Variants in RC3H1 observed in about 807,000 individuals in gnomAD.
The protein encoded by RC3H1 is ring finger and CCCH-type domains 1.
In RC3H1, 50 loss-of-function variants were observed where a neutral mutation model predicts 138.2. The ratio of observed to expected loss-of-function variants is 0.36; its 90% CI spans 0.29 to 0.46. The LOEUF is 0.46. RC3H1 is among the 20% of genes least tolerant of loss of function. The pLI is 1.00. For missense variants in RC3H1, 1,031 were observed against 1,388.1 expected, an observed-to-expected ratio of 0.74 and a Z score of 4.09; for synonymous variants, 462 against 489.1, an observed-to-expected ratio of 0.94 and a Z score of 0.73.
chr1:173,966,724 A>C (rs4651296), intron 9 of RC3H1, among the ~76,000 whole-genome samples: 1,995 of 151,854 alleles, frequency 0.013, 38 homozygotes, highest in African/African-American at 0.045. Flanking sequence ...CAAAAAACAA[A>C]AAAAAAAAGT....
intron 6 of RC3H1, among the ~76,000 whole-genome samples, chr1:173,979,809 G>A (rs1660730466): frequency 6.6e-6 from 1 of 152,160 alleles, no homozygotes; most frequent in African/African-American, 2.4e-5. Flanking sequence ...AAGAGTTGCA[G>A]GTAAAGTCTG....
At chr1:173,988,626 C>T (rs1661134255) in intron 2 of RC3H1, among the ~76,000 whole-genome samples, 1 of 152,150 alleles carries the variant, frequency 6.6e-6, no homozygotes, top group Non-Finnish European at 1.5e-5. Context: ...AAGAAACTGC[C>T]AAACTGTCTT....
chr1:174,000,229 C>A (rs145199036), intron 1 of RC3H1, among the ~76,000 whole-genome samples: 4 of 152,118 alleles, frequency 2.6e-5, no homozygotes, highest in South Asian at 2.1e-4. Flanking sequence ...AGAAACTATT[C>A]GAATCTGTTC....
Position 173,964,191 on chromosome 1 carries a change from AG to A in RC3H1, c.1617-5del. 6.3e-7 allele frequency: 1 copy of A among 1,598,578 alleles called. No homozygotes were observed. On this transcript the variant is annotated splice_region_variant and splice_polypyrimidine_tract_variant and intron_variant, in intron 10 of 19. Coordinates refer to ENST00000367696, the MANE Select transcript of RC3H1 (RefSeq NM_172071.4). ...ACTCTTAGGAACAGATTCTAGCCTA[AG>A]GGAATAATATTATGGAAGTTGTTTA... is the stretch of plus-strand genomic sequence containing the variant.
chr1:173,970,389 A>G (rs1660305170), intron 9 of RC3H1, 116 bp downstream of exon 9: 2 of 748,812 alleles, frequency 2.7e-6, no homozygotes, highest in East Asian at 2.6e-5. Context: ...GCTGTGTTAC[A>G]TTCTAAAAAT....
intron 1 of RC3H1, among the ~76,000 whole-genome samples, chr1:174,008,976 G>GAAAAA (rs59047478): frequency 2.4e-5 from 2 of 84,206 alleles, no homozygotes; most frequent in Non-Finnish European, 5.2e-5. Flanking sequence ...GACTTTGTCT[G>GAAAAA]AAAAAAAAAA....
chr1:173,988,516 C>G (rs959627505), intron 2 of RC3H1, among the ~76,000 whole-genome samples: 6 of 152,226 alleles, frequency 3.9e-5, no homozygotes, highest in Admixed American at 6.5e-5. Context: ...CATTTTTTGG[C>G]AATCATGAAT....
At position 173,932,704 on chromosome 1, in the gene RC3H1, A is replaced by G. The variant is rs553938161; in HGVS notation, c.*6017T>C. 6.6e-6 allele frequency: 1 copy of G among 152,276 alleles called. No individual in the cohort carries two copies. The highest frequency in any genetic ancestry group is 1.5e-5 in the Non-Finnish European group (1 of 68,000). The allele number at this position is 152,276 out of a possible 1,614,324, so 9.4% of individuals were successfully genotyped here. A position where few individuals can be genotyped will look rare whatever the true frequency, so the allele number is the denominator to read the frequency against. Reference sequence around the variant, plus strand: ...GATAAGCAAAAGCTAAATGCCTTTAAGTCAGAGAATTATTTTATGGGGTAG... The same window carrying G: ...GATAAGCAAAAGCTAAATGCCTTTAGGTCAGAGAATTATTTTATGGGGTAG... On this transcript the variant is annotated 3_prime_UTR_variant, in exon 20 of 20. Transcript: ENST00000367696.
Position 173,961,070 on chromosome 1 carries a change from T to C in RC3H1, c.2370+7A>G. 1.9e-6 allele frequency: 3 copies of C among 1,611,208 alleles called. No individual in the cohort carries two copies. The highest frequency in any genetic ancestry group is 2.2e-5 in the South Asian group (2 of 90,710). ...CGGATAAATGAGACTAAAAATGATT[T>C]GCTTACTTCTTCCGGATGAAAGGTA... On this transcript the variant is annotated splice_region_variant and intron_variant, in intron 13 of 19. Coordinates refer to ENST00000367696, the MANE Select transcript of RC3H1 (RefSeq NM_172071.4).
At chr1:173,967,197 T>C (rs1239239477) in intron 9 of RC3H1, among the ~76,000 whole-genome samples, 1 of 152,096 alleles carries the variant, frequency 6.6e-6, no homozygotes, top group East Asian at 1.9e-4. Flanking sequence ...GGCATGCACC[T>C]GTGGTCCCAG....
chr1:173,939,602 C>T lies in RC3H1; in HGVS notation c.3252-731G>A, dbSNP rs560161188. Among the ~76,000 whole-genome samples the T allele has an allele frequency of 2.5e-3, 362 of 147,734 alleles. 3 individuals are homozygous for T. Among genetic ancestry groups the T allele is most frequent in the African/African-American group, 8.2e-3 (329 of 39,882 alleles). Reference sequence around the variant, plus strand: ...CTGTAATCCCAGCACTTTGGGAGGCCGAGGCGGGTGGATCATGAGGTCAGG... The same window carrying T: ...CTGTAATCCCAGCACTTTGGGAGGCTGAGGCGGGTGGATCATGAGGTCAGG... On this transcript the variant is annotated intron_variant, in intron 19 of 19. Transcript: ENST00000367696.
At position 173,946,390 on chromosome 1, in the gene RC3H1, T is replaced by C. The variant is rs1571170211; in HGVS notation, c.2961+86A>G. ...TCCTAAGAAATAGACCTTAAAGTTT[T>C]TTGTTCACAGTGCCTCAAAAGTTCC... On this transcript the variant is annotated intron_variant, in intron 17 of 19. Transcript: ENST00000367696. 2.3e-5 allele frequency: 30 copies of C among 1,290,476 alleles called. No homozygotes were observed. In the East Asian group the frequency reaches 7.0e-4, roughly 30 times the overall value. The allele number at this position is 1,290,476 out of a possible 1,614,324, so 79.9% of individuals were successfully genotyped here.
At chr1:173,948,199 A>G (rs961970299) in intron 14 of RC3H1, among the ~76,000 whole-genome samples, 1 of 152,214 alleles carries the variant, frequency 6.6e-6, no homozygotes, top group African/African-American at 2.4e-5. Context: ...TCCAAAAAAC[A>G]GGAGATTCAC....
chr1:173,952,650 A>G (rs1463243352), intron 13 of RC3H1, among the ~76,000 whole-genome samples: 4 of 152,148 alleles, frequency 2.6e-5, no homozygotes, highest in Non-Finnish European at 5.9e-5. Context: ...CTTTAATAGC[A>G]ATAATTCATA....
intron 6 of RC3H1, among the ~76,000 whole-genome samples, chr1:173,979,654 T>TCAAA (rs886848097): frequency 6.6e-5 from 10 of 152,214 alleles, no homozygotes; most frequent in South Asian, 2.1e-4. Context: ...AGACTCTGTC[T>TCAAA]CAAACAAACA....
At chr1:173,998,194 T>G (rs1027132725) in intron 1 of RC3H1, among the ~76,000 whole-genome samples, 1 of 152,152 alleles carries the variant, frequency 6.6e-6, no homozygotes, top group African/African-American at 2.4e-5. Context: ...TCAAAGCACA[T>G]GCATTCAAGG....
chr1:174,016,940 A>G (rs1039433415), intron 1 of RC3H1, among the ~76,000 whole-genome samples: 1 of 152,192 alleles, frequency 6.6e-6, no homozygotes, highest in Admixed American at 6.5e-5. Flanking sequence ...CCTTTGTAAC[A>G]CTGTTCATGT....
At chr1:173,964,382 C>T (rs535368047) in intron 10 of RC3H1, among the ~76,000 whole-genome samples, 195 bp from the exon 11 acceptor site, 26 of 151,600 alleles carry the variant, frequency 1.7e-4, no homozygotes, top group African/African-American at 5.8e-4. Context: ...GACAGAGTCT[C>T]GCTCTGTTGC....
At chr1:173,958,235 C>T (rs1160554797) in intron 13 of RC3H1, among the ~76,000 whole-genome samples, 2 of 151,780 alleles carry the variant, frequency 1.3e-5, no homozygotes, top group African/African-American at 2.4e-5. Flanking sequence ...AAAACAAATA[C>T]GATTACTTTA....
Sources: allele counts gnomAD v4.1 joint callset (sites outside exome capture counted in the v4.1 genomes callset), GRCh38; gene constraint gnomAD v4.1.1; transcripts MANE v1.5; gene names NCBI Gene and HGNC (gene_info 2026-07-23, HGNC 2026-07-21).